Variants in RCOR1 observed in about 807,000 individuals in gnomAD.
The protein encoded by RCOR1 is REST corepressor.
Under a neutral mutation model 64.0 loss-of-function variants are expected in RCOR1, and 12 were observed. The ratio of observed to expected loss-of-function variants is 0.19; its 90% CI spans 0.12 to 0.30. RCOR1 has a LOEUF of 0.30. RCOR1 is among the 10% of genes least tolerant of loss of function. The pLI is 1.00. For missense variants in RCOR1, 502 were observed against 621.2 expected (o/e 0.81, Z 2.04); for synonymous variants, 279 against 227.2 (o/e 1.23, Z -2.05).
intron 2 of RCOR1, among the ~76,000 whole-genome samples, chr14:102,679,191 A>G (rs1421641495): frequency 6.6e-6 from 1 of 152,166 alleles, no homozygotes; most frequent in Non-Finnish European, 1.5e-5. Flanking sequence ...TCCTTTCCCA[A>G]TCCAAGGTCA....
chr14:102,622,512 C>G (rs930898837), intron 2 of RCOR1, among the ~76,000 whole-genome samples: 12 of 152,290 alleles, frequency 7.9e-5, no homozygotes, highest in Middle Eastern at 3.4e-3. Context: ...TTTTCATGGA[C>G]TCTGCATTTT....
chr14:102,701,845 G>A (rs924815203), intron 4 of RCOR1, among the ~76,000 whole-genome samples: 5 of 152,032 alleles, frequency 3.3e-5, no homozygotes, highest in African/African-American at 4.8e-5. Flanking sequence ...CTCGTGCCTC[G>A]GCCTCTCAAG....
At chr14:102,675,716 C>T (rs1223674527) in intron 2 of RCOR1, among the ~76,000 whole-genome samples, 1 of 152,172 alleles carries the variant, frequency 6.6e-6, no homozygotes, top group Non-Finnish European at 1.5e-5. Flanking sequence ...GTTTCATATA[C>T]CACCACCACA....
intron 2 of RCOR1, among the ~76,000 whole-genome samples, chr14:102,632,736 TCCCC>T (rs1894149857): frequency 2.9e-4 from 1 of 3,452 alleles, no homozygotes; most frequent in Non-Finnish European, 8.8e-4. Context: ...TCTTCTCCCC[TCCCC>T]TCCCCTCCCC....
intron 4 of RCOR1, 56 bp downstream of exon 4, chr14:102,701,386 T>C: frequency 7.5e-7 from 1 of 1,330,544 alleles, no homozygotes; most frequent in South Asian, 1.5e-5. Flanking sequence ...TGTAACTAAA[T>C]AATTATATTT....
intron 2 of RCOR1, among the ~76,000 whole-genome samples, chr14:102,671,348 T>A (rs898784712): frequency 6.6e-6 from 1 of 152,144 alleles, no homozygotes. Context: ...TTCTAATGGC[T>A]GTGGAGTAAC....
At chr14:102,606,157 C>G (rs1893502733) in intron 2 of RCOR1, among the ~76,000 whole-genome samples, 1 of 152,150 alleles carries the variant, frequency 6.6e-6, no homozygotes, top group Admixed American at 6.6e-5. Flanking sequence ...AACTCCCGAC[C>G]TCAAGTGATC....
chr14:102,714,453 A>C lies in RCOR1; in HGVS notation c.889A>C (p.Lys297Gln). 6.2e-7 allele frequency: 1 copy of C among 1,611,496 alleles called. No individual in the cohort carries two copies. The highest frequency in any genetic ancestry group is 8.5e-7 in the Non-Finnish European group (1 of 1,178,466). The change falls in exon 8 of 12, where the codon AAA becomes CAA. Residue 297 changes from lysine (K) to glutamine (Q), a missense_variant. Coordinates refer to ENST00000262241, the MANE Select transcript of RCOR1 (RefSeq NM_015156.4). ...CCCTACTGAGACAGTTCCTCAGGTCAAAAAAGAAAAACATAGCACACAAGC... is the reference window on the plus strand; with the variant it reads ...CCCTACTGAGACAGTTCCTCAGGTCCAAAAAGAAAAACATAGCACACAAGC... ...VPPTETVPQV[K>Q]KEKHSTQAKN... is the part of the protein sequence containing the mutation.
chr14:102,701,139 A>C (rs1484670940), intron 3 of RCOR1, 139 bp from the exon 4 acceptor site: 2 of 728,866 alleles, frequency 2.7e-6, no homozygotes, highest in African/African-American at 1.8e-5. Flanking sequence ...TGGGAGATAC[A>C]AATCAAAATG....
chr14:102,612,313 A>G (rs1208983466), intron 2 of RCOR1, among the ~76,000 whole-genome samples: 1 of 151,788 alleles, frequency 6.6e-6, no homozygotes, highest in African/African-American at 2.4e-5. Context: ...TGCAGGCATG[A>G]GCCACTGCAC....
At chr14:102,634,204 C>T (rs548631452) in intron 2 of RCOR1, among the ~76,000 whole-genome samples, 9 of 152,116 alleles carry the variant, frequency 5.9e-5, no homozygotes, top group Admixed American at 1.3e-4. Flanking sequence ...CCTTATTAAT[C>T]CTGACTACAG....
chr14:102,634,905 A>G (rs909005466), intron 2 of RCOR1, among the ~76,000 whole-genome samples: 4 of 147,934 alleles, frequency 2.7e-5, no homozygotes, highest in African/African-American at 1.0e-4. Context: ...AAGGGGTTTC[A>G]CCACGTTGGT....
At chr14:102,711,395 C>T (rs560743957) in intron 7 of RCOR1, among the ~76,000 whole-genome samples, 20 of 152,302 alleles carry the variant, frequency 1.3e-4, no homozygotes, top group East Asian at 1.2e-3. Flanking sequence ...GCACCCATGC[C>T]GTGCCTGGGG....
At chr14:102,626,805 G>C (rs1290330666) in intron 2 of RCOR1, among the ~76,000 whole-genome samples, 1 of 152,214 alleles carries the variant, frequency 6.6e-6, no homozygotes, top group Non-Finnish European at 1.5e-5. Context: ...GCCTGCTTCA[G>C]CTGGGAAGTA....
chr14:102,710,864 A>T, intron 6 of RCOR1, 71 bp from the exon 7 acceptor site: 1 of 1,063,122 alleles, frequency 9.4e-7, no homozygotes, highest in Non-Finnish European at 1.4e-6. Context: ...TTTTCAGTTA[A>T]ATCAATTTAT....
chr14:102,684,057 C>T (rs1895362160), intron 3 of RCOR1, among the ~76,000 whole-genome samples: 1 of 152,228 alleles, frequency 6.6e-6, no homozygotes, highest in African/African-American at 2.4e-5. Context: ...GTCACAGCCA[C>T]AGCCATCGCA....
intron 11 of RCOR1, among the ~76,000 whole-genome samples, chr14:102,724,792 G>T (rs1288685230): frequency 3.9e-5 from 6 of 152,140 alleles, no homozygotes; most frequent in Admixed American, 3.9e-4. Flanking sequence ...TAGAATGCTG[G>T]CTTACTTGTC....
chr14:102,662,610 G>A (rs566151104), intron 2 of RCOR1: 1 of 449,506 alleles, frequency 2.2e-6, no homozygotes, highest in South Asian at 1.8e-5. Context: ...TTTTCCGGCT[G>A]TGGACGCCTT....
intron 2 of RCOR1, among the ~76,000 whole-genome samples, chr14:102,598,421 G>A (rs566979732): frequency 9.3e-5 from 14 of 150,698 alleles, no homozygotes; most frequent in Admixed American, 8.0e-4. Context: ...GATAGAGCAC[G>A]TTAGTCTTAA....
Sources: gnomAD v4.1 joint callset for allele counts (sites outside exome capture counted in the v4.1 genomes callset) on GRCh38, gnomAD v4.1.1 for gene constraint, MANE v1.5 for transcripts, NCBI Gene and HGNC (gene_info 2026-07-23, HGNC 2026-07-21) for gene names.